Variants in MEGF11 observed in about 807,000 individuals in gnomAD.
MEGF11 encodes the protein multiple epidermal growth factor-like domains protein 11.
MEGF11 carries 126 observed loss-of-function variants against 146.6 expected under a neutral mutation model. That is an observed-to-expected ratio of 0.86 (90% confidence interval 0.74 to 1.00). MEGF11 has a LOEUF of 1.00. Ranked by LOEUF, MEGF11 falls within the 50% of genes least tolerant of loss-of-function variation. The pLI is 0.00. For synonymous variants in MEGF11, 532 were observed against 583.4 expected, an observed-to-expected ratio of 0.91 and a Z score of 1.27; for missense variants, 1,509 against 1,521.2, an observed-to-expected ratio of 0.99 and a Z score of 0.13.
chr15:66,080,418 G>A (rs919284231), intron 5 of MEGF11, among the ~76,000 whole-genome samples: 8 of 152,016 alleles, frequency 5.3e-5, no homozygotes, highest in Non-Finnish European at 7.4e-5. Flanking sequence ...TGATGGCCTC[G>A]CCATCCAGGT....
At chr15:65,958,795 A>G (rs1408488995) in intron 9 of MEGF11, among the ~76,000 whole-genome samples, 2 of 152,072 alleles carry the variant, frequency 1.3e-5, no homozygotes, top group Non-Finnish European at 2.9e-5. Flanking sequence ...CCCCTAGTAA[A>G]CCTCTTGCTC....
rs947047702 is a variant in MEGF11, at chr15:65,996,667, G to A, written c.395-14179C>T. On this transcript the variant is annotated intron_variant, in intron 5 of 25. Transcript: ENST00000395614. ...CACCCAGCTAATTTTTGTATTTTTC[G>A]TAGAGACAGGGTTTCATCATGCTGA... is the stretch of plus-strand genomic sequence containing the variant. Among the ~76,000 whole-genome samples the A allele has an allele frequency of 3.9e-5, 6 of 152,078 alleles. No homozygotes were observed. In the South Asian group the frequency reaches 1.2e-3, roughly 32 times the overall value.
intron 24 of MEGF11, chr15:65,905,152 C>CA (rs2078588787): frequency 6.6e-6 from 1 of 152,302 alleles, no homozygotes; most frequent in Non-Finnish European, 1.5e-5. Context: ...CTCGGCCTCT[C>CA]AAAGTGCTGA....
At chr15:65,936,828 C>T (rs2079805890) in intron 10 of MEGF11, among the ~76,000 whole-genome samples, 1 of 152,200 alleles carries the variant, frequency 6.6e-6, no homozygotes. Context: ...TGGTTCTCAT[C>T]ACACACAGGC....
At chr15:65,919,589 A>G (rs562782545) in intron 15 of MEGF11, among the ~76,000 whole-genome samples, 23 of 152,330 alleles carry the variant, frequency 1.5e-4, no homozygotes, top group Admixed American at 5.2e-4. Context: ...TGTTGGAAAC[A>G]TGGCACCGAC....
chr15:66,124,867 A>G (rs181615972), intron 2 of MEGF11, among the ~76,000 whole-genome samples: 443 of 152,372 alleles, frequency 2.9e-3, no homozygotes, highest in Non-Finnish European at 3.4e-3. Flanking sequence ...GTGAGGACTC[A>G]TGTTTCCTAA....
At chr15:66,241,994 T>G (rs1348163069) in intron 1 of MEGF11, among the ~76,000 whole-genome samples, 1 of 152,132 alleles carries the variant, frequency 6.6e-6, no homozygotes, top group Non-Finnish European at 1.5e-5. Flanking sequence ...TACTGACAAC[T>G]GCAGCCAGTC....
chr15:66,092,016 T>G (rs16949434), intron 5 of MEGF11, among the ~76,000 whole-genome samples: 15,447 of 152,256 alleles, frequency 0.1, 893 homozygotes, highest in Middle Eastern at 0.18. Flanking sequence ...ACACACAGAC[T>G]GTGGTCTTAT....
intron 1 of MEGF11, among the ~76,000 whole-genome samples, chr15:66,204,478 C>A (rs62009930): frequency 6.6e-6 from 1 of 152,136 alleles, no homozygotes; most frequent in Non-Finnish European, 1.5e-5. Context: ...CCTTGTGATA[C>A]CAGTAGCAAA....
chr15:66,081,527 C>T (rs927378260), intron 5 of MEGF11, among the ~76,000 whole-genome samples: 11 of 152,170 alleles, frequency 7.2e-5, no homozygotes, highest in South Asian at 2.1e-4. Flanking sequence ...TACAGGCGCC[C>T]TCCACCATGC....
intron 3 of MEGF11, among the ~76,000 whole-genome samples, chr15:66,121,088 A>T (rs926417858): frequency 2.0e-5 from 3 of 152,214 alleles, no homozygotes; most frequent in African/African-American, 7.2e-5. Flanking sequence ...GAAAGCTGCA[A>T]GGCAACTTAA....
chr15:65,987,006 G>A (rs1422996264), intron 5 of MEGF11, among the ~76,000 whole-genome samples: 1 of 152,048 alleles, frequency 6.6e-6, no homozygotes, highest in African/African-American at 2.4e-5. Context: ...ACCTGGAAGT[G>A]TGTGGCCCGG....
intron 1 of MEGF11, among the ~76,000 whole-genome samples, chr15:66,231,547 G>GC (rs1481170304): frequency 6.6e-6 from 1 of 152,090 alleles, no homozygotes; most frequent in African/African-American, 2.4e-5. Flanking sequence ...TACACAGGCT[G>GC]CCCCTGAGCA....
intron 10 of MEGF11, among the ~76,000 whole-genome samples, chr15:65,952,764 A>T (rs2080453962): frequency 6.6e-6 from 1 of 152,254 alleles, no homozygotes; most frequent in Non-Finnish European, 1.5e-5. Context: ...ATAGAAACCC[A>T]GAAAGTTAGC....
intron 3 of MEGF11, among the ~76,000 whole-genome samples, chr15:66,119,656 C>G (rs1463921742): frequency 1.3e-5 from 2 of 151,178 alleles, no homozygotes; most frequent in Non-Finnish European, 2.9e-5. Context: ...AGAACTGAGG[C>G]AGAGTCAGCA....
At chr15:66,000,264 GA>G (rs1471906827) in intron 5 of MEGF11, among the ~76,000 whole-genome samples, 2 of 152,182 alleles carry the variant, frequency 1.3e-5, no homozygotes, top group African/African-American at 4.8e-5. Flanking sequence ...TCTGCAGCTG[GA>G]CATGGTGGCC....
At chr15:65,928,639 CT>C in intron 12 of MEGF11, 112 bp from the exon 13 acceptor site, 2 of 624,700 alleles carry the variant, frequency 3.2e-6, no homozygotes, top group Non-Finnish European at 5.2e-6. Context: ...GTGAGATCTA[CT>C]GGATCTTGAT....
intron 5 of MEGF11, among the ~76,000 whole-genome samples, chr15:66,043,447 G>T (rs549873764): frequency 6.6e-6 from 1 of 152,266 alleles, no homozygotes; most frequent in African/African-American, 2.4e-5. Flanking sequence ...CAGAAGCCAC[G>T]ATAATACCAC....
chr15:65,897,828 C>T lies in MEGF11; in HGVS notation c.*106G>A. On this transcript the variant is annotated 3_prime_UTR_variant, in exon 26 of 26. Transcript: ENST00000395614. The stretch of plus-strand genomic sequence containing the variant: ...AGTTCCAGGTGAACGTAATAACTAA[C>T]ATGCAGCTGGAGCCAGTCTGTACCA... 1 of 1,040,418 alleles carries T rather than the reference C, an allele frequency of 9.6e-7. No individual in the cohort carries two copies. Among genetic ancestry groups the T allele is most frequent in the East Asian group, 2.6e-5 (1 of 38,232 alleles). 64.4% of individuals were successfully genotyped at this position (1,040,418 alleles called of 1,614,324 possible).
Sources: allele counts gnomAD v4.1 joint callset (sites outside exome capture counted in the v4.1 genomes callset), GRCh38; gene constraint gnomAD v4.1.1; transcripts MANE v1.5; gene names NCBI Gene and HGNC (gene_info 2026-07-23, HGNC 2026-07-21).